The following GRID2 variants were observed in gnomAD, a reference collection of about 807,000 sequenced individuals.
GRID2 encodes the protein glutamate ionotropic receptor delta type subunit 2.
A neutral mutation model predicts 114.8 loss-of-function variants in GRID2; 33 were observed. That is an observed-to-expected ratio of 0.29 (90% confidence interval 0.22 to 0.38). The LOEUF (loss-of-function observed/expected upper bound fraction) is 0.38. GRID2 is among the 10% of genes least tolerant of loss of function. The probability of loss-of-function intolerance (pLI) is 1.00; values close to 1 mark genes in which losing one functional copy is unlikely to be tolerated. For missense variants in GRID2, 1,184 were observed against 1,257.7 expected, an observed-to-expected ratio of 0.94 and a Z score of 0.89; for synonymous variants, 505 against 449.9, an observed-to-expected ratio of 1.12 and a Z score of -1.55.
At chr4:92,888,791 C>G (rs1366121742) in intron 2 of GRID2, among the ~76,000 whole-genome samples, 1 of 150,744 alleles carries the variant, frequency 6.6e-6, no homozygotes, top group African/African-American at 2.4e-5. Context: ...TAGTAGCTGA[C>G]AACCATATAG....
intron 13 of GRID2, among the ~76,000 whole-genome samples, chr4:93,542,807 C>T (rs535088688): frequency 2.9e-4 from 44 of 152,200 alleles, no homozygotes; most frequent in South Asian, 8.3e-4. Context: ...TGTCCTGTCC[C>T]GACCATTTTC....
At chr4:93,718,877 G>A (rs1236467708) in intron 14 of GRID2, among the ~76,000 whole-genome samples, 1 of 152,080 alleles carries the variant, frequency 6.6e-6, no homozygotes. Context: ...AATTCTATGA[G>A]TCAATTTTCA....
At chr4:92,937,583 G>C (rs1002521859) in intron 2 of GRID2, among the ~76,000 whole-genome samples, 1 of 146,398 alleles carries the variant, frequency 6.8e-6, no homozygotes, top group African/African-American at 2.4e-5. Context: ...ATTTATGTCA[G>C]TATCAAATTA....
At chr4:93,661,773 C>T (rs986827019) in intron 14 of GRID2, among the ~76,000 whole-genome samples, 1 of 152,136 alleles carries the variant, frequency 6.6e-6, no homozygotes, top group Admixed American at 6.5e-5. Context: ...GTGTAGTCGG[C>T]ACAAATGGCA....
intron 14 of GRID2, among the ~76,000 whole-genome samples, chr4:93,740,384 C>CTACG (rs1731264680): frequency 6.6e-6 from 1 of 152,290 alleles, no homozygotes; most frequent in African/African-American, 2.4e-5. Flanking sequence ...TTCCAATAAG[C>CTACG]TACGCAGAAC....
chr4:93,075,297 G>A lies in GRID2; in HGVS notation c.245-9698G>A, dbSNP rs187622523. Among the ~76,000 whole-genome samples the A allele has an allele frequency of 2.0e-5, 3 of 152,202 alleles. No individual in the cohort carries two copies. In the East Asian group the frequency reaches 5.8e-4, roughly 29 times the overall value. On this transcript the variant is annotated intron_variant, in intron 2 of 15. Coordinates refer to ENST00000282020, the MANE Select transcript of GRID2 (RefSeq NM_001510.4). ...ACAGCTCTATTCCTGAGCAAACTCT[G>A]TTCTCAGCAATAAAAGGAGACTTTC...
chr4:93,197,233 A>G (rs1741588642), intron 4 of GRID2, among the ~76,000 whole-genome samples: 2 of 152,200 alleles, frequency 1.3e-5, no homozygotes, highest in Non-Finnish European at 1.5e-5. Context: ...ACTACATAAC[A>G]GGTTCTGCAA....
chr4:92,825,295 C>T (rs1037579366), intron 2 of GRID2, among the ~76,000 whole-genome samples: 4 of 152,100 alleles, frequency 2.6e-5, no homozygotes, highest in Non-Finnish European at 5.9e-5. Flanking sequence ...CATTGGGGCT[C>T]GCAGTCTGTT....
At chr4:93,482,732 A>G (rs866319020) in intron 11 of GRID2, among the ~76,000 whole-genome samples, 1 of 151,974 alleles carries the variant, frequency 6.6e-6, no homozygotes. Context: ...TCTAAAAGGT[A>G]ATTGTAAATG....
intron 2 of GRID2, among the ~76,000 whole-genome samples, chr4:92,919,540 T>C (rs1431222520): frequency 6.6e-6 from 1 of 152,216 alleles, no homozygotes; most frequent in Non-Finnish European, 1.5e-5. Flanking sequence ...CCAGAGATTC[T>C]GGTATGTTGT....
At chr4:92,700,533 C>T (rs201397004) in intron 2 of GRID2, among the ~76,000 whole-genome samples, 3 of 151,998 alleles carry the variant, frequency 2.0e-5, no homozygotes, top group Non-Finnish European at 2.9e-5. Flanking sequence ...TTAGTTTTTC[C>T]GTTAATTTAT....
intron 8 of GRID2, among the ~76,000 whole-genome samples, chr4:93,341,046 G>A (rs1185991892): frequency 6.6e-6 from 1 of 152,086 alleles, no homozygotes; most frequent in Non-Finnish European, 1.5e-5. Flanking sequence ...AATAGGGAAA[G>A]TAGATAAACA....
intron 1 of GRID2, among the ~76,000 whole-genome samples, chr4:92,466,675 A>G (rs1579414612): frequency 6.6e-6 from 1 of 151,786 alleles, no homozygotes; most frequent in Admixed American, 6.6e-5. Context: ...TTTATAATTC[A>G]TTCTCCATTC....
intron 1 of GRID2, among the ~76,000 whole-genome samples, chr4:92,333,206 A>G (rs368108713): frequency 3.3e-5 from 5 of 152,192 alleles, no homozygotes; most frequent in East Asian, 3.9e-4. Context: ...AGTCAGCACC[A>G]TGTGTTGCTT....
At chr4:92,669,407 C>T (rs1330975440) in intron 2 of GRID2, among the ~76,000 whole-genome samples, 4 of 151,858 alleles carry the variant, frequency 2.6e-5, no homozygotes, top group African/African-American at 4.8e-5. Flanking sequence ...ACCTGAGCAG[C>T]GATCCTATGG....
intron 1 of GRID2, among the ~76,000 whole-genome samples, chr4:92,336,576 C>T (rs2110153686): frequency 6.6e-6 from 1 of 152,276 alleles, no homozygotes; most frequent in South Asian, 2.1e-4. Context: ...CCCTACTCAC[C>T]TATTCTCCTC....
At chr4:93,151,760 C>T (rs1390760876) in intron 4 of GRID2, among the ~76,000 whole-genome samples, 1 of 152,036 alleles carries the variant, frequency 6.6e-6, no homozygotes, top group Non-Finnish European at 1.5e-5. Context: ...AGTGCCAGGT[C>T]ACAATATTGT....
At chr4:92,566,110 T>C (rs1451994178) in intron 1 of GRID2, among the ~76,000 whole-genome samples, 2 of 152,002 alleles carry the variant, frequency 1.3e-5, no homozygotes, top group Admixed American at 6.6e-5. Flanking sequence ...ACTATGTCGA[T>C]ATGCCTAGCA....
chr4:92,675,693 G>A (rs1344486066), intron 2 of GRID2, among the ~76,000 whole-genome samples: 6 of 151,950 alleles, frequency 3.9e-5, no homozygotes, highest in Non-Finnish European at 8.8e-5. Flanking sequence ...TGGGACTACA[G>A]GGGTCCGCCA....
Sources: allele counts gnomAD v4.1 joint callset (sites outside exome capture counted in the v4.1 genomes callset), GRCh38; gene constraint gnomAD v4.1.1; transcripts MANE v1.5; gene names NCBI Gene and HGNC (gene_info 2026-07-23, HGNC 2026-07-21).